Variants in MYRIP observed in about 807,000 individuals in gnomAD.
MYRIP encodes the protein rab effector MyRIP.
A neutral mutation model predicts 98.0 loss-of-function variants in MYRIP; 49 were observed. The observed-to-expected ratio is 0.50, with a 90% CI of 0.40 to 0.63. The LOEUF (loss-of-function observed/expected upper bound fraction) is 0.63, where lower values mean the gene tolerates loss of function less well. Among genes scored for constraint, MYRIP ranks in the 30% least tolerant of loss-of-function variants. MYRIP has a pLI of 0.00. For synonymous variants in MYRIP, 404 were observed against 409.5 expected (o/e 0.99, Z 0.16); for missense variants, 1,004 against 1,058.2 (o/e 0.95, Z 0.71).
chr3:40,205,010 T>C (rs1172968606), intron 10 of MYRIP, among the ~76,000 whole-genome samples: 3 of 152,114 alleles, frequency 2.0e-5, no homozygotes, highest in Non-Finnish European at 4.4e-5. Context: ...TTTATTACAA[T>C]GTCACCAGCA....
chr3:40,042,881 T>G (rs1947572969), intron 2 of MYRIP, among the ~76,000 whole-genome samples: 1 of 152,142 alleles, frequency 6.6e-6, no homozygotes, highest in Non-Finnish European at 1.5e-5. Context: ...AACTTAAACA[T>G]GCCCAGAACA....
At chr3:40,195,065 A>G (rs1393603794) in intron 10 of MYRIP, among the ~76,000 whole-genome samples, 2 of 152,320 alleles carry the variant, frequency 1.3e-5, no homozygotes, top group African/African-American at 4.8e-5. Flanking sequence ...GTGACTAATT[A>G]TGCTACACTG....
intron 5 of MYRIP, 141 bp downstream of exon 5, chr3:40,162,951 C>A: frequency 1.5e-6 from 1 of 677,486 alleles, no homozygotes; most frequent in Non-Finnish European, 2.5e-6. Flanking sequence ...CTCCCTGGGT[C>A]ACTTATTATT....
intron 3 of MYRIP, among the ~76,000 whole-genome samples, chr3:40,144,794 A>T (rs1949977854): frequency 6.6e-6 from 1 of 152,222 alleles, no homozygotes. Context: ...CTTGTAATAA[A>T]TTAAAATTCT....
intron 2 of MYRIP, among the ~76,000 whole-genome samples, chr3:40,011,903 G>T (rs1946768268): frequency 6.6e-6 from 1 of 151,954 alleles, no homozygotes; most frequent in Non-Finnish European, 1.5e-5. Context: ...AAAATCTCAG[G>T]CTGATTTCCA....
Position 39,824,112 on chromosome 3 carries a change from C to T in MYRIP, c.-31+14196C>T, listed in dbSNP as rs561027469. On this transcript the variant is annotated intron_variant, in intron 1 of 16. Transcript: ENST00000302541. ...CAGCACCATAATTTAAGAGATTATC[C>T]TTTCCTCGGTGAATGCTCTTGGTGC... Among the ~76,000 whole-genome samples, 724 of 152,226 alleles carry T rather than the reference C, an allele frequency of 4.8e-3. 5 individuals are homozygous for T. The highest frequency in any genetic ancestry group is 0.017 in the African/African-American group (696 of 41,528).
chr3:39,952,587 T>G (rs1022152662), intron 2 of MYRIP, among the ~76,000 whole-genome samples: 1 of 152,242 alleles, frequency 6.6e-6, no homozygotes, highest in Non-Finnish European at 1.5e-5. Flanking sequence ...ATATTCCTGA[T>G]GGTCTATAAT....
At chr3:39,918,918 T>C (rs1944237196) in intron 2 of MYRIP, among the ~76,000 whole-genome samples, 1 of 152,168 alleles carries the variant, frequency 6.6e-6, no homozygotes. Flanking sequence ...TTCAGACTTT[T>C]AAAGTGTCAG....
At chr3:39,948,035 A>G (rs1449447917) in intron 2 of MYRIP, among the ~76,000 whole-genome samples, 2 of 152,180 alleles carry the variant, frequency 1.3e-5, no homozygotes, top group Admixed American at 1.3e-4. Context: ...AGAGTTGACA[A>G]TCACTGCTCT....
intron 3 of MYRIP, 132 bp downstream of exon 3, chr3:40,044,403 C>T: frequency 1.1e-6 from 1 of 889,994 alleles, no homozygotes; most frequent in South Asian, 1.7e-5. Context: ...AAATAGCTTG[C>T]TGAAGAGAGA....
chr3:40,256,670 A>G (rs1207846113), intron 16 of MYRIP, among the ~76,000 whole-genome samples: 3 of 152,196 alleles, frequency 2.0e-5, no homozygotes, highest in Non-Finnish European at 2.9e-5. Flanking sequence ...ATCAGAATCA[A>G]ATCAGAAAAA....
intron 3 of MYRIP, among the ~76,000 whole-genome samples, chr3:40,108,372 C>G (rs561980220): frequency 1.3e-4 from 20 of 148,318 alleles, no homozygotes; most frequent in African/African-American, 4.9e-4. Flanking sequence ...CTGTAGGGGT[C>G]TTGCAGAGAA....
intron 3 of MYRIP, among the ~76,000 whole-genome samples, chr3:40,108,289 TA>T (rs66470038): frequency 3.9e-4 from 59 of 150,894 alleles, no homozygotes; most frequent in East Asian, 3.9e-4. Context: ...AGACAGAGTT[TA>T]TAATTTAAGG....
intron 3 of MYRIP, among the ~76,000 whole-genome samples, chr3:40,126,619 T>C (rs1451014316): frequency 6.6e-6 from 1 of 152,230 alleles, no homozygotes; most frequent in Non-Finnish European, 1.5e-5. Flanking sequence ...TCTGAGGAAA[T>C]AAAATTTCTG....
intron 3 of MYRIP, among the ~76,000 whole-genome samples, chr3:40,079,063 A>C (rs746502012): frequency 5.3e-5 from 8 of 152,194 alleles, no homozygotes; most frequent in Non-Finnish European, 1.0e-4. Flanking sequence ...TAGATTTCCT[A>C]ATTTAGCAGT....
At chr3:39,941,099 C>T (rs935131371) in intron 2 of MYRIP, among the ~76,000 whole-genome samples, 1 of 151,928 alleles carries the variant, frequency 6.6e-6, no homozygotes, top group African/African-American at 2.4e-5. Flanking sequence ...AGGGAGTGTA[C>T]AAGAGGAAGG....
At chr3:40,078,088 G>T (rs922484253) in intron 3 of MYRIP, among the ~76,000 whole-genome samples, 3 of 152,246 alleles carry the variant, frequency 2.0e-5, no homozygotes, top group Non-Finnish European at 4.4e-5. Flanking sequence ...AGGCAGCTAA[G>T]GCCCGATGAG....
intron 10 of MYRIP, among the ~76,000 whole-genome samples, chr3:40,196,185 C>T (rs1440162119): frequency 1.3e-5 from 2 of 151,672 alleles, no homozygotes; most frequent in East Asian, 1.9e-4. Flanking sequence ...TTTGAAGAAC[C>T]AGCTGTTACT....
chr3:40,043,997 AC>A, intron 2 of MYRIP, 52 bp from the exon 3 acceptor site: 1 of 1,554,994 alleles, frequency 6.4e-7, no homozygotes, highest in Non-Finnish European at 8.8e-7. Context: ...ACACCCCCTG[AC>A]CTGATGTTGT....
Sources: allele counts gnomAD v4.1 joint callset (sites outside exome capture counted in the v4.1 genomes callset), GRCh38; gene constraint gnomAD v4.1.1; transcripts MANE v1.5; gene names NCBI Gene and HGNC (gene_info 2026-07-23, HGNC 2026-07-21).